ZFYVE19: variants seen among roughly 807,000 people sequenced by gnomAD.
ZFYVE19 encodes zinc finger FYVE-type containing 19, also known as abscission/NoCut checkpoint regulator.
ZFYVE19 carries 49 observed loss-of-function variants against 62.8 expected under a neutral mutation model. The ratio of observed to expected loss-of-function variants is 0.78; its 90% CI spans 0.62 to 0.99. The LOEUF (loss-of-function observed/expected upper bound fraction) is 0.99. Among genes scored for constraint, ZFYVE19 ranks in the 50% least tolerant of loss-of-function variants. The probability of loss-of-function intolerance (pLI) is 0.00; values close to 1 mark genes in which losing one functional copy is unlikely to be tolerated. For missense variants in ZFYVE19, 630 were observed against 601.9 expected (o/e 1.05, Z -0.49); for synonymous variants, 242 against 234.3 (o/e 1.03, Z -0.30).
rs780664881 is a variant in ZFYVE19, at chr15:40,812,815, G to A, written c.943G>A (p.Glu315Lys). Reference sequence around the variant, plus strand: ...CAGACTGCTGGCTGAGGCAGCACTTGAGTTGCGGGAGGAGAACACGAGGCA... The same window carrying A: ...CAGACTGCTGGCTGAGGCAGCACTTAAGTTGCGGGAGGAGAACACGAGGCA... ...KSRLLAEAAL[E>K]LREENTRQER... Residue 315 changes from glutamate (E) to lysine (K), a missense_variant, in exon 7 of 11, where the codon GAG (glutamate) becomes AAG (lysine). Glu to Lys is a moderately conservative substitution (Grantham distance 56). Coordinates refer to ENST00000355341, the MANE Select transcript of ZFYVE19 (RefSeq NM_001077268.2). The A allele has an allele frequency of 2.5e-6, 4 of 1,613,748 alleles. No individual in the cohort carries two copies. The highest frequency in any genetic ancestry group is 3.4e-6 in the Non-Finnish European group (4 of 1,180,028).
chr15:40,808,870 C>T, intron 1 of ZFYVE19: 1 of 447,004 alleles, frequency 2.2e-6, no homozygotes. Context: ...ATCCCTGGGT[C>T]AGGGAATTGA....
intron 6 of ZFYVE19, 120 bp downstream of exon 6, chr15:40,810,877 G>C: frequency 7.5e-7 from 1 of 1,325,508 alleles, no homozygotes; most frequent in Non-Finnish European, 1.0e-6. Context: ...CGTTATAAGA[G>C]TTACCATTCA....
intron 1 of ZFYVE19, chr15:40,808,832 T>A (rs1344150338): frequency 2.8e-6 from 1 of 360,954 alleles, no homozygotes; most frequent in Non-Finnish European, 5.2e-6. Flanking sequence ...TGGCCTGAAA[T>A]ACTGGGCTTT....
chr15:40,807,243 C>A lies in ZFYVE19; in HGVS notation c.-347C>A. 6.4e-7 allele frequency: 1 copy of A among 1,572,284 alleles called. No individual in the cohort carries two copies. The highest frequency in any genetic ancestry group is 1.1e-5 in the South Asian group (1 of 87,102). ...GAGCCCGCCTGCGGAGGGCATAGCGCCGACCCTCGCTCCCCGCCCAGGACC... is the reference window on the plus strand; with the variant it reads ...GAGCCCGCCTGCGGAGGGCATAGCGACGACCCTCGCTCCCCGCCCAGGACC... On this transcript the variant is annotated 5_prime_UTR_variant, in exon 1 of 11. Transcript: ENST00000355341.
chr15:40,810,288 T>G, intron 5 of ZFYVE19, 72 bp downstream of exon 5: 609 of 1,563,548 alleles, frequency 3.9e-4, no homozygotes, highest in Non-Finnish European at 4.8e-4. Context: ...GATACAGGTA[T>G]TGGGGTGATA....
In ZFYVE19 at chr15:40,809,940, C is replaced by T. The variant is rs763506569; in HGVS notation, c.541C>T (p.Leu181=). The T allele has an allele frequency of 2.5e-6, 4 of 1,614,234 alleles. No homozygotes were observed. In the South Asian group the frequency reaches 4.4e-5, roughly 18 times the overall value. ...ACAAGACCAGATGATTGCTGAGCGC[C>T]TAGCACGACTCCGCCAGGAGAACAA... ...TRQDQMIAER[L]ARLRQENKPK... Residue 181 remains leucine, a synonymous_variant, in exon 4 of 11, where the codon CTA becomes TTA. Coordinates refer to ENST00000355341, the MANE Select transcript of ZFYVE19 (RefSeq NM_001077268.2).
chr15:40,809,139 C>G lies in ZFYVE19; in HGVS notation c.300C>G (p.Gly100=), dbSNP rs376445758. The G allele has an allele frequency of 4.0e-5, 64 of 1,614,024 alleles. 1 individual carries two copies. In the Middle Eastern group the frequency reaches 9.9e-4, roughly 25 times the overall value. ...FKKEYGCKNC[G]RAFCSGCLSF... ...TGTAGTACGGCTGTAAGAATTGTGG[C>G]AGGGCCTTCTGTTCAGGCTGCCTAA... Residue 100 remains glycine, a synonymous_variant, in exon 2 of 11, where the codon GGC becomes GGG. Coordinates refer to ENST00000355341, the MANE Select transcript of ZFYVE19 (RefSeq NM_001077268.2).
rs1189837837 is a variant in ZFYVE19 at position 40,814,927 on chromosome 15, C to G, written c.*701C>G. 1 of 154,488 alleles carries G rather than the reference C, an allele frequency of 6.5e-6. No homozygotes were observed. Among genetic ancestry groups the G allele is most frequent in the African/African-American group, 2.4e-5 (1 of 41,482 alleles). The allele number at this position is 154,488 out of a possible 1,614,324, so 9.6% of individuals were successfully genotyped here. A position where few individuals can be genotyped will look rare whatever the true frequency, so the allele number is the denominator to read the frequency against. ...TCCTAGGGCTCCTGTCCCAACCTGC[C>G]TGCCATTCAGTCTCAGTATCTCTCT... On this transcript the variant is annotated 3_prime_UTR_variant, in exon 11 of 11. Coordinates refer to ENST00000355341, the MANE Select transcript of ZFYVE19 (RefSeq NM_001077268.2).
intron 6 of ZFYVE19, among the ~76,000 whole-genome samples, chr15:40,811,269 A>G (rs1489306717): frequency 6.6e-6 from 1 of 152,258 alleles, no homozygotes; most frequent in Non-Finnish European, 1.5e-5. Context: ...ACAGATATAG[A>G]ACATGATATG....
Position 40,814,156 on chromosome 15 carries a change from A to G in ZFYVE19, c.1346A>G (p.His449Arg), listed in dbSNP as rs762632180. ...ATCCCTTTGTTCCACAGAGAGGGCCATGATGCCTTTGAGCTTAAAGAGCAC... is the reference window on the plus strand; with the variant it reads ...ATCCCTTTGTTCCACAGAGAGGGCCGTGATGCCTTTGAGCTTAAAGAGCAC... Reference protein sequence around the residue: ...LFCARCFREGHDAFELKEHQT... With the variant: ...LFCARCFREGRDAFELKEHQT... The change falls in exon 11 of 11, where the codon CAT becomes CGT. Residue 449 changes from histidine (H) to arginine (R), a missense_variant. Transcript: ENST00000355341. The G allele has an allele frequency of 1.4e-5, 22 of 1,614,204 alleles. No homozygotes were observed. Among genetic ancestry groups the G allele is most frequent in the Non-Finnish European group, 1.9e-5 (22 of 1,180,040 alleles).
At chr15:40,808,877 T>C in intron 1 of ZFYVE19, 1 of 464,210 alleles carries the variant, frequency 2.2e-6, no homozygotes, top group Non-Finnish European at 3.9e-6. Flanking sequence ...GGTCAGGGAA[T>C]TGAAGACAGG....
At position 40,807,180 on chromosome 15, in the gene ZFYVE19, TCCTCTTGAGGC is replaced by T; in HGVS notation, c.-405_-395del. ...CGCGAAGAGCCCTCTGTACCCCGCTTCCTCTTGAGGCCCTCGGACCGTCCAGGAAATGTCTG... is the reference window on the plus strand; with the variant it reads ...CGCGAAGAGCCCTCTGTACCCCGCTTCCTCGGACCGTCCAGGAAATGTCTG... On this transcript the variant is annotated 5_prime_UTR_variant, in exon 1 of 11. Coordinates refer to ENST00000355341, the MANE Select transcript of ZFYVE19 (RefSeq NM_001077268.2). 1 of 1,410,978 alleles carries T rather than the reference TCCTCTTGAGGC, an allele frequency of 7.1e-7. No homozygotes were observed. Among genetic ancestry groups the T allele is most frequent in the Non-Finnish European group, 9.4e-7 (1 of 1,059,368 alleles). The allele number at this position is 1,410,978 out of a possible 1,614,324, so 87.4% of individuals were successfully genotyped here.
intron 6 of ZFYVE19, 90 bp downstream of exon 6, chr15:40,810,847 A>G: frequency 1.3e-6 from 2 of 1,484,490 alleles, no homozygotes; most frequent in Non-Finnish European, 1.8e-6. Context: ...GGAGATGAAT[A>G]TAAATCGGAG....
At chr15:40,808,432 T>C in intron 1 of ZFYVE19, 1 of 1,582,946 alleles carries the variant, frequency 6.3e-7, no homozygotes, top group Non-Finnish European at 8.6e-7. Context: ...TGATGGGAAC[T>C]AGATGGAGTA....
chr15:40,810,683 A>G lies in ZFYVE19; in HGVS notation c.752A>G (p.Gln251Arg). The change falls in exon 6 of 11, where the codon CAG (glutamine) becomes CGG (arginine). Residue 251 changes from glutamine to arginine, a missense_variant. Transcript: ENST00000355341. The part of the protein sequence containing the change: ...HHTPDTRTQA[Q>R]QTQDLLTQLA... The stretch of plus-strand genomic sequence containing the variant: ...ACACCGGACACCAGGACCCAAGCCC[A>G]GCAGACACAGGATCTGCTAACGCAG... 6.3e-7 allele frequency: 1 copy of G among 1,576,782 alleles called. No individual in the cohort carries two copies. The highest frequency in any genetic ancestry group is 8.6e-7 in the Non-Finnish European group (1 of 1,161,144).
Position 40,814,390 on chromosome 15 carries a change from G to C in ZFYVE19, c.*164G>C. On this transcript the variant is annotated 3_prime_UTR_variant, in exon 11 of 11. Coordinates refer to ENST00000355341, the MANE Select transcript of ZFYVE19 (RefSeq NM_001077268.2). The stretch of plus-strand genomic sequence containing the variant: ...TGGAATGAGGAAAGATTCTCCATTC[G>C]AGAGAATGACTGGGAGGGAAGAAGT... The C allele has an allele frequency of 1.2e-6, 1 of 803,506 alleles. No individual in the cohort carries two copies. The highest frequency in any genetic ancestry group is 1.9e-6 in the Non-Finnish European group (1 of 515,574). 49.8% of individuals were successfully genotyped at this position (803,506 alleles called of 1,614,324 possible). A position where few individuals can be genotyped will look rare whatever the true frequency, so the allele number is the denominator to read the frequency against.
At position 40,812,840 on chromosome 15, in the gene ZFYVE19, A is replaced by G. The variant is rs772329476; in HGVS notation, c.968A>G (p.Gln323Arg). The change falls in exon 7 of 11, where the codon CAG (glutamine) becomes CGG (arginine). Residue 323 changes from glutamine to arginine, a missense_variant. Gln to Arg is a conservative substitution (Grantham distance 43). Transcript: ENST00000355341. The part of the protein sequence containing the change: ...ALELREENTR[Q>R]ERILALAKRL... Reference sequence around the variant, plus strand: ...GAGTTGCGGGAGGAGAACACGAGGCAGGAACGGATTCTGGCCCTGGCCAAG... The same window carrying G: ...GAGTTGCGGGAGGAGAACACGAGGCGGGAACGGATTCTGGCCCTGGCCAAG... The G allele has an allele frequency of 6.2e-7, 1 of 1,613,724 alleles. No individual in the cohort carries two copies. Among genetic ancestry groups the G allele is most frequent in the South Asian group, 1.1e-5 (1 of 91,076 alleles).
chr15:40,808,339 C>T (rs1421675772), intron 1 of ZFYVE19: 5 of 1,597,818 alleles, frequency 3.1e-6, no homozygotes, highest in Non-Finnish European at 4.2e-6. Flanking sequence ...ACTGTCCTGT[C>T]CCTATCACAG....
Position 40,808,268 on chromosome 15 carries a change from A to G in ZFYVE19, c.279+400A>G, listed in dbSNP as rs755468489. 3.1e-6 allele frequency: 5 copies of G among 1,596,632 alleles called. No homozygotes were observed. In the East Asian group the frequency reaches 1.1e-4, roughly 36 times the overall value. ...CCCATCCCGCAGCCTGCCCTTCTCC[A>G]GGTCGCTGGAGTTAGATTACCACAC... is the stretch of plus-strand genomic sequence containing the variant. On this transcript the variant is annotated intron_variant, in intron 1 of 10. Transcript: ENST00000355341.
Sources: gnomAD v4.1 joint callset for allele counts (sites outside exome capture counted in the v4.1 genomes callset) on GRCh38, gnomAD v4.1.1 for gene constraint, MANE v1.5 for transcripts, NCBI Gene and HGNC (gene_info 2026-07-23, HGNC 2026-07-21) for gene names.